KLRG1: variants seen among roughly 807,000 people sequenced by gnomAD.
The protein encoded by KLRG1 is killer cell lectin like receptor G1.
KLRG1 carries 16 observed loss-of-function variants against 21.8 expected under a neutral mutation model. The ratio of observed to expected loss-of-function variants is 0.73; its 90% CI spans 0.50 to 1.11. The LOEUF (loss-of-function observed/expected upper bound fraction) is 1.11, where lower values mean the gene tolerates loss of function less well. KLRG1 is among the 50% of genes most tolerant of loss of function. The probability of loss-of-function intolerance (pLI) is 0.00; values close to 1 mark genes in which losing one functional copy is unlikely to be tolerated. For missense variants in KLRG1, 173 were observed against 218.3 expected, an observed-to-expected ratio of 0.79 and a Z score of 1.31; for synonymous variants, 69 against 75.9, an observed-to-expected ratio of 0.91 and a Z score of 0.47.
At chr12:9,154,162 G>C in the KLRG1 span, among the ~76,000 whole-genome samples, 1 of 152,180 alleles carries the variant, frequency 6.6e-6, no homozygotes, top group Non-Finnish European at 1.5e-5. Context: ...AAGATGTCTG[G>C]AACATTGGTT....
chr12:9,208,276 G>A, the KLRG1 span: 1 of 1,613,474 alleles, frequency 6.2e-7, no homozygotes, highest in Admixed American at 1.7e-5. Context: ...TAGAGTTTGA[G>A]TCACTGGCAG....
the KLRG1 span, chr12:9,077,232 G>T: frequency 9.6e-7 from 1 of 1,037,224 alleles, no homozygotes; most frequent in Non-Finnish European, 1.4e-6. Flanking sequence ...CACTGGCATT[G>T]CATAGAAAGA....
the KLRG1 span, among the ~76,000 whole-genome samples, chr12:9,069,467 C>A: frequency 0.02 from 3,063 of 152,094 alleles, 100 homozygotes; most frequent in African/African-American, 0.068. Context: ...ACTGGGTATC[C>A]AAAAAACTTG....
the KLRG1 span, among the ~76,000 whole-genome samples, chr12:9,038,553 CAG>C: frequency 1.3e-5 from 2 of 152,124 alleles, no homozygotes; most frequent in African/African-American, 2.4e-5. Context: ...GATTGAGTAA[CAG>C]GGGACTATTG....
the KLRG1 span, chr12:9,196,997 A>C: frequency 6.5e-7 from 1 of 1,536,494 alleles, no homozygotes; most frequent in Non-Finnish European, 9.0e-7. Flanking sequence ...CTGAGGGAGA[A>C]TACCGCCTAC....
the KLRG1 span, among the ~76,000 whole-genome samples, chr12:9,114,157 C>T: frequency 2.2e-4 from 33 of 152,126 alleles, no homozygotes; most frequent in Non-Finnish European, 4.1e-4. Flanking sequence ...TAAATATTTG[C>T]CTTTCAGCTC....
At chr12:9,035,431 A>T in the KLRG1 span, among the ~76,000 whole-genome samples, 1 of 151,756 alleles carries the variant, frequency 6.6e-6, no homozygotes, top group Non-Finnish European at 1.5e-5. Context: ...GGAACATCAC[A>T]CACCAGGGCC....
chr12:9,091,904 T>C, the KLRG1 span, among the ~76,000 whole-genome samples: 1 of 152,196 alleles, frequency 6.6e-6, no homozygotes, highest in Non-Finnish European at 1.5e-5. Context: ...TTGCACAAAA[T>C]TTTTTAGCTC....
At chr12:9,113,548 G>C in the KLRG1 span, 2 of 1,612,118 alleles carry the variant, frequency 1.2e-6, no homozygotes, top group Non-Finnish European at 1.7e-6. Flanking sequence ...TACTGCCTGG[G>C]AATGAGACGG....
the KLRG1 span, chr12:9,116,199 C>T: frequency 3.1e-6 from 1 of 324,408 alleles, no homozygotes; most frequent in African/African-American, 2.2e-5. Flanking sequence ...CCTCACAACG[C>T]CTTTTATGGT....
chr12:9,147,509 G>A, the KLRG1 span, among the ~76,000 whole-genome samples: 1 of 152,150 alleles, frequency 6.6e-6, no homozygotes, highest in Non-Finnish European at 1.5e-5. Context: ...GCTTCGGTGA[G>A]TCTGCTTTTG....
the KLRG1 span, chr12:9,101,589 A>G: frequency 1.2e-6 from 2 of 1,614,016 alleles, no homozygotes; most frequent in African/African-American, 2.7e-5. Flanking sequence ...TGGGGAGAAC[A>G]CAAGATAAGC....
chr12:9,154,457 T>G, the KLRG1 span, among the ~76,000 whole-genome samples: 4 of 152,196 alleles, frequency 2.6e-5, no homozygotes, highest in African/African-American at 4.8e-5. Flanking sequence ...ATGGGGGATG[T>G]CTTAAGTCTT....
downstream of KLRG1, among the ~76,000 whole-genome samples, chr12:9,015,332 G>A (rs1947684830): frequency 6.6e-6 from 1 of 152,024 alleles, no homozygotes; most frequent in East Asian, 1.9e-4. Flanking sequence ...CCATGCCAAT[G>A]GAGACCAAAA....
intron 3 of KLRG1, among the ~76,000 whole-genome samples, chr12:9,005,091 A>C (rs1177193406): frequency 6.6e-6 from 1 of 152,178 alleles, no homozygotes; most frequent in Non-Finnish European, 1.5e-5. Flanking sequence ...GGATAAATGA[A>C]ACTAACACAA....
At chr12:9,109,450 T>G in the KLRG1 span, 1 of 1,472,514 alleles carries the variant, frequency 6.8e-7, no homozygotes, top group Non-Finnish European at 9.5e-7. Flanking sequence ...TTTTCAACTT[T>G]GGGGGAATTC....
At chr12:9,093,660 A>C in the KLRG1 span, 8 of 788,884 alleles carry the variant, frequency 1.0e-5, no homozygotes, top group Non-Finnish European at 1.5e-5. Context: ...CCACCAAAAA[A>C]AAAAAACAAA....
intron 1 of KLRG1, among the ~76,000 whole-genome samples, chr12:8,955,424 T>C (rs1946275430): frequency 1.5e-5 from 2 of 130,878 alleles, no homozygotes; most frequent in African/African-American, 5.8e-5. Flanking sequence ...AGATAGAGTC[T>C]CTATCACTCA....
chr12:9,096,498 C>T, the KLRG1 span, among the ~76,000 whole-genome samples: 14 of 152,132 alleles, frequency 9.2e-5, no homozygotes, highest in African/African-American at 1.7e-4. Context: ...CCACAGGACA[C>T]GATGGCATTT....
Sources: allele counts gnomAD v4.1 joint callset (sites outside exome capture counted in the v4.1 genomes callset), GRCh38; gene constraint gnomAD v4.1.1; transcripts MANE v1.5; gene names NCBI Gene and HGNC (gene_info 2026-07-23, HGNC 2026-07-21).